The following BMP2K variants were observed in gnomAD, a reference collection of about 807,000 sequenced individuals.
The protein encoded by BMP2K is BMP-2-inducible protein kinase.
In BMP2K, 74 loss-of-function variants were observed where a neutral mutation model predicts 116.0. The observed-to-expected ratio is 0.64, with a 90% CI of 0.53 to 0.77. BMP2K has a LOEUF of 0.77. BMP2K is among the 30% of genes least tolerant of loss of function. The probability of loss-of-function intolerance (pLI) is 0.00; values close to 1 mark genes in which losing one functional copy is unlikely to be tolerated. For synonymous variants in BMP2K, 486 were observed against 502.5 expected (o/e 0.97, Z 0.44); for missense variants, 1,365 against 1,403.6 (o/e 0.97, Z 0.44).
At chr4:78,813,442 G>A (rs1242483116) in intron 1 of BMP2K, among the ~76,000 whole-genome samples, 1 of 152,102 alleles carries the variant, frequency 6.6e-6, no homozygotes, top group Non-Finnish European at 1.5e-5. Flanking sequence ...TTCTCTTGGA[G>A]CAAAAGCCAG....
intron 3 of BMP2K, among the ~76,000 whole-genome samples, chr4:78,837,145 TA>T (rs1426972401): frequency 6.6e-6 from 1 of 152,102 alleles, no homozygotes; most frequent in Non-Finnish European, 1.5e-5. Flanking sequence ...TTAGCTCTTC[TA>T]TAGAATTTTG....
intron 14 of BMP2K, among the ~76,000 whole-genome samples, chr4:78,883,614 G>T (rs2110070964): frequency 6.6e-6 from 1 of 152,270 alleles, no homozygotes; most frequent in South Asian, 2.1e-4. Flanking sequence ...AATGTGTATA[G>T]TTTTGTCATA....
At chr4:78,821,913 T>C (rs1287480981) in intron 1 of BMP2K, among the ~76,000 whole-genome samples, 1 of 152,188 alleles carries the variant, frequency 6.6e-6, no homozygotes, top group African/African-American at 2.4e-5. Context: ...TAAAAATGAT[T>C]TAATTAAAGC....
intron 1 of BMP2K, among the ~76,000 whole-genome samples, chr4:78,777,383 AAGGTGATATAAAAGC>A (rs1319789018): frequency 6.6e-6 from 1 of 152,146 alleles, no homozygotes; most frequent in East Asian, 1.9e-4. Flanking sequence ...AGTAGTTTAA[AAGGTGATATAAAAGC>A]AGGTTAACTT....
At chr4:78,907,269 T>C (rs1032299487) in intron 15 of BMP2K, among the ~76,000 whole-genome samples, 8 of 152,188 alleles carry the variant, frequency 5.3e-5, no homozygotes, top group Non-Finnish European at 1.2e-4. Flanking sequence ...AATACAACTT[T>C]GATAAATGGA....
chr4:78,779,067 A>T (rs1266879570), intron 1 of BMP2K, among the ~76,000 whole-genome samples: 1 of 152,172 alleles, frequency 6.6e-6, no homozygotes. Flanking sequence ...GTGTCTTTTT[A>T]ATAAATCCGT....
chr4:78,904,877 A>G (rs1242603495), intron 15 of BMP2K, among the ~76,000 whole-genome samples: 1 of 151,894 alleles, frequency 6.6e-6, no homozygotes, highest in Non-Finnish European at 1.5e-5. Context: ...CTAGGTTCTG[A>G]AAATAAGATA....
Position 78,878,965 on chromosome 4 carries a change from A to G in BMP2K, c.1951+74A>G, listed in dbSNP as rs562163235. 402 of 1,546,408 alleles carry G rather than the reference A, an allele frequency of 2.6e-4. 6 individuals carry two copies. The South Asian group carries it at 4.8e-3, about 19-fold the overall frequency. The stretch of plus-strand genomic sequence containing the variant: ...CTATTATTATTCAGCAAGGCCAAAG[A>G]CTTTTGAGAATGTGTATGGAAAATT... On this transcript the variant is annotated intron_variant, in intron 14 of 15. Transcript: ENST00000502613.
chr4:78,874,074 A>T (rs1229894848), intron 13 of BMP2K, among the ~76,000 whole-genome samples: 1 of 151,972 alleles, frequency 6.6e-6, no homozygotes, highest in Non-Finnish European at 1.5e-5. Context: ...GCTACTTGGG[A>T]GGCTGAGGCA....
chr4:78,843,542 G>T (rs1025642447), intron 4 of BMP2K, among the ~76,000 whole-genome samples: 15 of 151,632 alleles, frequency 9.9e-5, no homozygotes, highest in African/African-American at 3.4e-4. Context: ...TGATTATACA[G>T]AATTTTATGA....
At chr4:78,874,624 T>G (rs568588258) in intron 13 of BMP2K, among the ~76,000 whole-genome samples, 25 of 152,204 alleles carry the variant, frequency 1.6e-4, no homozygotes, top group Non-Finnish European at 2.8e-4. Context: ...AGCATATATA[T>G]TGTGTATACT....
chr4:78,832,255 C>A (rs60830908), intron 2 of BMP2K, among the ~76,000 whole-genome samples: 9,886 of 151,980 alleles, frequency 0.065, 426 homozygotes, highest in East Asian at 0.22. Context: ...TTTTATGTTG[C>A]CTATTTTCTG....
intron 1 of BMP2K, among the ~76,000 whole-genome samples, chr4:78,791,122 G>A (rs1487312298): frequency 6.6e-6 from 1 of 152,068 alleles, no homozygotes; most frequent in Non-Finnish European, 1.5e-5. Flanking sequence ...CTGTAAGCCT[G>A]TTTAATTTCA....
At chr4:78,830,026 C>T (rs1217856111) in intron 2 of BMP2K, among the ~76,000 whole-genome samples, 1 of 151,906 alleles carries the variant, frequency 6.6e-6, no homozygotes, top group African/African-American at 2.4e-5. Flanking sequence ...AGGCAGGTGC[C>T]ACCATACCTG....
intron 1 of BMP2K, among the ~76,000 whole-genome samples, chr4:78,782,506 A>T (rs1187151837): frequency 1.3e-5 from 2 of 152,162 alleles, no homozygotes. Context: ...TAATTTGCAA[A>T]TTGAAGAGCA....
At chr4:78,833,857 C>T (rs1455225197) in intron 3 of BMP2K, among the ~76,000 whole-genome samples, 170 bp downstream of exon 3, 2 of 152,086 alleles carry the variant, frequency 1.3e-5, no homozygotes, top group Non-Finnish European at 2.9e-5. Context: ...AAAACCTAGT[C>T]ATAGTTACTG....
intron 1 of BMP2K, among the ~76,000 whole-genome samples, chr4:78,819,450 C>T (rs1729513468): frequency 1.3e-5 from 2 of 152,202 alleles, no homozygotes; most frequent in South Asian, 4.1e-4. Context: ...GCTTTGCATA[C>T]AGAACCTCAT....
At chr4:78,896,495 A>G (rs1560551595) in intron 15 of BMP2K, among the ~76,000 whole-genome samples, 3 of 152,166 alleles carry the variant, frequency 2.0e-5, no homozygotes, top group African/African-American at 2.4e-5. Context: ...ATAGTCCATA[A>G]CATGTGACTC....
intron 2 of BMP2K, among the ~76,000 whole-genome samples, chr4:78,826,761 C>G (rs528947659): frequency 6.6e-6 from 1 of 152,040 alleles, no homozygotes; most frequent in East Asian, 1.9e-4. Flanking sequence ...TTTAAAGCTA[C>G]TCTGCTTTCT....
Sources: gnomAD v4.1 joint callset for allele counts (sites outside exome capture counted in the v4.1 genomes callset) on GRCh38, gnomAD v4.1.1 for gene constraint, MANE v1.5 for transcripts, NCBI Gene and HGNC (gene_info 2026-07-23, HGNC 2026-07-21) for gene names.